The following MAML2 variants were observed in gnomAD, a reference collection of about 807,000 sequenced individuals.
MAML2 encodes mastermind-like protein 2.
In MAML2, 22 loss-of-function variants were observed where a neutral mutation model predicts 96.1. The observed-to-expected ratio is 0.23, with a 90% CI of 0.16 to 0.33. The LOEUF (loss-of-function observed/expected upper bound fraction) is 0.33, where lower values mean the gene tolerates loss of function less well. Among genes scored for constraint, MAML2 ranks in the 10% least tolerant of loss-of-function variants. MAML2 has a pLI of 1.00. For missense variants in MAML2, 1,367 were observed against 1,392.4 expected (o/e 0.98, Z 0.29); for synonymous variants, 561 against 521.3 (o/e 1.08, Z -1.04).
intron 2 of MAML2, among the ~76,000 whole-genome samples, chr11:96,039,441 A>G (rs900372801): frequency 6.6e-6 from 1 of 151,796 alleles, no homozygotes; most frequent in African/African-American, 2.4e-5. Flanking sequence ...GAGGGAACAG[A>G]AAAGAATTCC....
At chr11:96,001,635 C>T (rs1041816204) in intron 2 of MAML2, among the ~76,000 whole-genome samples, 1 of 89,232 alleles carries the variant, frequency 1.1e-5, no homozygotes, top group Non-Finnish European at 2.2e-5. Context: ...AGAACTCAAC[C>T]CCCCCTCACT....
Position 95,985,608 on chromosome 11 carries a change from T to C in MAML2, c.2378A>G (p.His793Arg). The C allele has an allele frequency of 1.9e-6, 3 of 1,612,666 alleles. No individual in the cohort carries two copies. Among genetic ancestry groups the C allele is most frequent in the Non-Finnish European group, 2.5e-6 (3 of 1,179,146 alleles). The change falls in exon 4 of 5, where the codon CAT (histidine) becomes CGT (arginine). Residue 793 changes from histidine (H) to arginine (R), a missense_variant. By Grantham distance (29) the His-to-Arg change is conservative. Transcript: ENST00000524717. ...KIAPQDQINRHLSRPPPDYKD... is the reference protein window; with the variant it reads ...KIAPQDQINRRLSRPPPDYKD... ...ATAATCTGGAGGTGGCCTTGACAAA[T>C]GTCGGTTTATCTGATCTTGTGGAGC...
intron 2 of MAML2, among the ~76,000 whole-genome samples, chr11:96,003,859 G>T (rs1329136522): frequency 1.3e-5 from 2 of 152,014 alleles, no homozygotes; most frequent in Non-Finnish European, 2.9e-5. Context: ...AGATAGTGAT[G>T]GTAGCATAGT....
At chr11:95,993,674 TTCTC>T (rs1490886779) in intron 2 of MAML2, among the ~76,000 whole-genome samples, 1 of 152,222 alleles carries the variant, frequency 6.6e-6, no homozygotes, top group African/African-American at 2.4e-5. Flanking sequence ...TTTTATTTCT[TTCTC>T]TTTCTTTAAC....
At chr11:96,079,035 T>C (rs1295912754) in intron 2 of MAML2, among the ~76,000 whole-genome samples, 3 of 152,302 alleles carry the variant, frequency 2.0e-5, no homozygotes, top group Admixed American at 6.5e-5. Context: ...CTAAATGTGA[T>C]AAATGTCAGC....
rs376571862 is a variant in MAML2, at chr11:95,979,557, G to A, written c.2862C>T (p.Asn954=). Reference sequence around the variant, plus strand: ...CAGTTGTGTTGGATGTGATCATTACGTTTGATGTTCTCTGTGGTGGCATGC... The same window carrying A: ...CAGTTGTGTTGGATGTGATCATTACATTTGATGTTCTCTGTGGTGGCATGC... ...MASMPPQRTS[N]VMITSNTTAP... Residue 954 remains asparagine, a synonymous_variant, in exon 5 of 5, where the codon AAC becomes AAT. Transcript: ENST00000524717. The A allele has an allele frequency of 3.3e-5, 54 of 1,613,874 alleles. No homozygotes were observed. In the African/African-American group the frequency reaches 4.3e-4, roughly 13 times the overall value.
rs374757612 is a variant in MAML2, at chr11:95,991,691, G to A, written c.2172C>T (p.Gly724=). Residue 724 remains glycine (G), a synonymous_variant, in exon 3 of 5, where the codon GGC becomes GGT. Transcript: ENST00000524717. The part of the protein sequence containing the change: ...DQHSVVGQNT[G]PSPSPNPCSN... ...AGCAGGGGTTAGGACTTGGACTGGG[G>A]CCTGTGTTCTGGCCTACCACAGAGT... is the stretch of plus-strand genomic sequence containing the variant. 5.5e-5 allele frequency: 88 copies of A among 1,613,514 alleles called. No homozygotes were observed. The highest frequency in any genetic ancestry group is 1.5e-4 in the South Asian group (14 of 91,076).
At chr11:96,116,079 A>G (rs2135838397) in intron 1 of MAML2, among the ~76,000 whole-genome samples, 1 of 152,304 alleles carries the variant, frequency 6.6e-6, no homozygotes, top group Non-Finnish European at 1.5e-5. Flanking sequence ...CTGGGATTCT[A>G]ATGTAGCAAC....
At chr11:96,023,329 G>A (rs1858465464) in intron 2 of MAML2, among the ~76,000 whole-genome samples, 1 of 152,172 alleles carries the variant, frequency 6.6e-6, no homozygotes, top group Admixed American at 6.5e-5. Context: ...TTTTGTTGCT[G>A]GGTAGTCTTG....
At chr11:96,261,894 C>A (rs1226739402) in intron 1 of MAML2, among the ~76,000 whole-genome samples, 1 of 152,146 alleles carries the variant, frequency 6.6e-6, no homozygotes, top group Non-Finnish European at 1.5e-5. Context: ...TAATATATCA[C>A]CATGAACAAA....
chr11:96,317,475 A>C (rs1565282267), intron 1 of MAML2, among the ~76,000 whole-genome samples: 1 of 152,140 alleles, frequency 6.6e-6, no homozygotes, highest in Non-Finnish European at 1.5e-5. Flanking sequence ...AGATGCACAA[A>C]TTTTCAAATA....
At chr11:96,061,605 T>C (rs74636439) in intron 2 of MAML2, among the ~76,000 whole-genome samples, 2,433 of 152,202 alleles carry the variant, frequency 0.016, 67 homozygotes, top group African/African-American at 0.055. Flanking sequence ...CATCAGAATG[T>C]CATGACATGA....
In MAML2 at chr11:96,167,638, C is replaced by T. The variant is rs117282281; in HGVS notation, c.514-74121G>A. Among the ~76,000 whole-genome samples, 677 of 152,294 alleles carry T rather than the reference C, an allele frequency of 4.4e-3. 3 individuals carry two copies. The highest frequency in any genetic ancestry group is 5.8e-3 in the Non-Finnish European group (397 of 68,016). ...AATTATTTGTAGCCATTTACTCCTCCAGGCTGTGTGCATGCTTCTCCCTCT... is the reference window on the plus strand; with the variant it reads ...AATTATTTGTAGCCATTTACTCCTCTAGGCTGTGTGCATGCTTCTCCCTCT... On this transcript the variant is annotated intron_variant, in intron 1 of 4. Coordinates refer to ENST00000524717, the MANE Select transcript of MAML2 (RefSeq NM_032427.4).
chr11:96,207,901 CT>C (rs529099094), intron 1 of MAML2, among the ~76,000 whole-genome samples: 3 of 151,966 alleles, frequency 2.0e-5, no homozygotes, highest in African/African-American at 7.3e-5. Flanking sequence ...CAACAAAGAA[CT>C]TTTTTTTAAG....
chr11:96,299,514 G>A (rs1863356931), intron 1 of MAML2, among the ~76,000 whole-genome samples: 2 of 152,044 alleles, frequency 1.3e-5, no homozygotes, highest in African/African-American at 4.8e-5. Context: ...CTCCACCTCA[G>A]GGTTTTTCTC....
intron 2 of MAML2, among the ~76,000 whole-genome samples, chr11:96,075,243 G>A (rs565856532): frequency 1.3e-5 from 2 of 152,268 alleles, no homozygotes; most frequent in East Asian, 3.9e-4. Context: ...TATCCTGGTA[G>A]CAAACTTGAA....
intron 4 of MAML2, among the ~76,000 whole-genome samples, chr11:95,981,933 C>T (rs535367077): frequency 2.0e-5 from 3 of 151,864 alleles, no homozygotes; most frequent in African/African-American, 4.8e-5. Flanking sequence ...TTTTAAACAA[C>T]CAGAATAGAG....
chr11:96,121,780 A>ATTTTGTTTTTTT (rs1860346282), intron 1 of MAML2, among the ~76,000 whole-genome samples: 1 of 35,238 alleles, frequency 2.8e-5, no homozygotes, highest in Non-Finnish European at 4.9e-5. Flanking sequence ...CAACTGCGTG[A>ATTTTGTTTTTTT]TTTTTTTTTT....
intron 1 of MAML2, among the ~76,000 whole-genome samples, chr11:96,244,879 T>C (rs1452654744): frequency 1.3e-5 from 2 of 152,178 alleles, no homozygotes; most frequent in African/African-American, 4.8e-5. Flanking sequence ...ATGTGTATTA[T>C]TTGGAAAGAC....
Sources: allele counts gnomAD v4.1 joint callset (sites outside exome capture counted in the v4.1 genomes callset), GRCh38; gene constraint gnomAD v4.1.1; transcripts MANE v1.5; gene names NCBI Gene and HGNC (gene_info 2026-07-23, HGNC 2026-07-21).